The following TEX9 variants were observed in gnomAD, a reference collection of about 807,000 sequenced individuals.
The protein encoded by TEX9 is testis-expressed protein 9.
Under a neutral mutation model 59.6 loss-of-function variants are expected in TEX9, and 74 were observed. The ratio of observed to expected loss-of-function variants is 1.24; its 90% CI spans 1.03 to 1.51. The LOEUF is 1.51. Among genes scored for constraint, TEX9 ranks in the 40% most tolerant of loss-of-function variants. TEX9 has a pLI of 0.00. For synonymous variants in TEX9, 186 were observed against 152.2 expected (o/e 1.22, Z -1.64); for missense variants, 522 against 447.8 (o/e 1.17, Z -1.49).
At chr15:56,341,757 TA>T (rs1412049645) in intron 1 of TEX9, among the ~76,000 whole-genome samples, 1 of 152,184 alleles carries the variant, frequency 6.6e-6, no homozygotes, top group Admixed American at 6.5e-5. Context: ...TGAGTGGATA[TA>T]AATATGCAAA....
rs35032088 is a variant in TEX9, at chr15:56,365,645, C to T, written c.94C>T (p.Leu32Phe). 231 of 1,614,074 alleles carry T rather than the reference C, an allele frequency of 1.4e-4. 2 individuals carry two copies. The highest frequency in any genetic ancestry group is 1.6e-4 in the Middle Eastern group (1 of 6,084). ...GCAACCCTCTACACCTGGACCCGAC[C>T]TCCTCGCCTTGGAGGAAGAATATAA... is the stretch of plus-strand genomic sequence containing the variant. Residue 32 changes from leucine (L) to phenylalanine (F), a missense_variant, in exon 2 of 13, where the codon CTC (leucine) becomes TTC (phenylalanine). Coordinates refer to ENST00000352903, the Ensembl canonical transcript of TEX9.
chr15:56,365,371 G>T (rs1398110026), upstream of TEX9: 4 of 1,541,230 alleles, frequency 2.6e-6, no homozygotes, highest in African/African-American at 5.5e-5. Context: ...GTAGGCGCCC[G>T]GGCGGGAGGC....
intron 1 of TEX9, among the ~76,000 whole-genome samples, chr15:56,298,666 A>C (rs1404325902): frequency 6.6e-6 from 1 of 152,170 alleles, no homozygotes. Context: ...CATACACATT[A>C]CTTTCACTTT....
intron 10 of TEX9, among the ~76,000 whole-genome samples, chr15:56,424,766 A>ATGAAAAGTGAT (rs2050161341): frequency 6.6e-6 from 1 of 152,198 alleles, no homozygotes; most frequent in Non-Finnish European, 1.5e-5. Flanking sequence ...TGAAAAGTGA[A>ATGAAAAGTGAT]AGAATGAAAA....
intron 1 of TEX9, among the ~76,000 whole-genome samples, chr15:56,301,385 T>A (rs1035779060): frequency 6.6e-6 from 1 of 151,870 alleles, no homozygotes; most frequent in East Asian, 1.9e-4. Context: ...CTTTGAAGAA[T>A]AACAGAAAAT....
chr15:56,249,841 A>C (rs1401148990), intron 1 of TEX9, among the ~76,000 whole-genome samples: 1 of 152,088 alleles, frequency 6.6e-6, no homozygotes, highest in Non-Finnish European at 1.5e-5. Context: ...AGAAAATCAA[A>C]GATTGGGGTT....
At chr15:56,271,749 A>G (rs201923957) in intron 1 of TEX9, among the ~76,000 whole-genome samples, 1 of 152,236 alleles carries the variant, frequency 6.6e-6, no homozygotes, top group East Asian at 1.9e-4. Context: ...TATCATTTAA[A>G]GTAAGTTTCT....
rs1186314291 is a variant in TEX9, at chr15:56,426,626, T to TACACAC, written c.964-973_964-968dup. Among the ~76,000 whole-genome samples, 247 of 47,128 alleles carry TACACAC rather than the reference T, an allele frequency of 5.2e-3. 7 individuals carry two copies. Among genetic ancestry groups the TACACAC allele is most frequent in the Middle Eastern group, 0.053 (2 of 38 alleles). 30.9% of individuals were successfully genotyped at this position (47,128 alleles called of 152,430 possible). On this transcript the variant is annotated intron_variant, in intron 10 of 12. Coordinates refer to ENST00000352903, the Ensembl canonical transcript of TEX9. ...ATATATATATATATATATATATATA[T>TACACAC]ACACACACACAAACACACACACACA... is the stretch of plus-strand genomic sequence containing the variant.
intron 1 of TEX9, among the ~76,000 whole-genome samples, chr15:56,340,115 A>G (rs1341779946): frequency 2.6e-5 from 4 of 152,170 alleles, no homozygotes; most frequent in Admixed American, 1.3e-4. Flanking sequence ...TCCCCCTAGA[A>G]GCAGCATTGT....
intron 4 of TEX9, among the ~76,000 whole-genome samples, chr15:56,386,194 C>G (rs567243014): frequency 5.3e-5 from 8 of 152,074 alleles, no homozygotes; most frequent in South Asian, 4.2e-4. Flanking sequence ...CGTCCATAAT[C>G]TATGTTTTCA....
At chr15:56,322,683 G>C (rs2045928743) in intron 1 of TEX9, among the ~76,000 whole-genome samples, 1 of 152,134 alleles carries the variant, frequency 6.6e-6, no homozygotes, top group Admixed American at 6.6e-5. Context: ...GCGATGTTCA[G>C]GAGCCCATGT....
chr15:56,408,583 T>G (rs906269676), intron 9 of TEX9: 7 of 152,208 alleles, frequency 4.6e-5, no homozygotes, highest in African/African-American at 1.4e-4. Context: ...ATCTCTATTG[T>G]GTGTTAAACT....
intron 1 of TEX9, among the ~76,000 whole-genome samples, chr15:56,320,308 A>C (rs1175560145): frequency 1.3e-5 from 2 of 152,220 alleles, no homozygotes; most frequent in African/African-American, 2.4e-5. Flanking sequence ...AAAATACCAT[A>C]GACTGAGTAG....
intron 12 of TEX9, among the ~76,000 whole-genome samples, chr15:56,431,704 T>C: frequency 6.6e-6 from 1 of 152,050 alleles, no homozygotes; most frequent in Admixed American, 6.6e-5. Context: ...TCATTATTCC[T>C]TTAAAATTAC....
At chr15:56,269,520 G>T (rs1309729910) in intron 1 of TEX9, among the ~76,000 whole-genome samples, 1 of 152,078 alleles carries the variant, frequency 6.6e-6, no homozygotes, top group Non-Finnish European at 1.5e-5. Flanking sequence ...GGTACGTTAT[G>T]CCTTTGTTCT....
intron 10 of TEX9, among the ~76,000 whole-genome samples, chr15:56,420,958 C>T (rs1396675276): frequency 6.6e-6 from 1 of 151,458 alleles, no homozygotes; most frequent in East Asian, 1.9e-4. Context: ...TTTTTTGGCC[C>T]AGAATATGGT....
chr15:56,454,047 A>C, the TEX9 span, among the ~76,000 whole-genome samples: 1 of 151,738 alleles, frequency 6.6e-6, no homozygotes, highest in African/African-American at 2.4e-5. Context: ...TGGCTTGTGC[A>C]CAAAATAAAA....
At chr15:56,414,550 A>G (rs760183779) in intron 10 of TEX9, among the ~76,000 whole-genome samples, 3 of 150,074 alleles carry the variant, frequency 2.0e-5, no homozygotes, top group Non-Finnish European at 4.4e-5. Flanking sequence ...AGCTCCATCC[A>G]TGTTCCCACA....
chr15:56,284,690 T>A (rs1025778283), intron 1 of TEX9, among the ~76,000 whole-genome samples: 19 of 152,150 alleles, frequency 1.2e-4, no homozygotes, highest in African/African-American at 4.6e-4. Context: ...GGCCCTACTA[T>A]CCACTATGCA....
Sources: allele counts gnomAD v4.1 joint callset (sites outside exome capture counted in the v4.1 genomes callset), GRCh38; gene constraint gnomAD v4.1.1; transcripts MANE v1.5; gene names NCBI Gene and HGNC (gene_info 2026-07-23, HGNC 2026-07-21).